The following BAIAP3 variants were observed in gnomAD, a reference collection of about 807,000 sequenced individuals.
The protein encoded by BAIAP3 is BAI1-associated protein 3.
BAIAP3 carries 180 observed loss-of-function variants against 149.7 expected under a neutral mutation model. The observed-to-expected ratio is 1.20, with a 90% CI of 1.07 to 1.36. The LOEUF (loss-of-function observed/expected upper bound fraction) is 1.36, where lower values mean the gene tolerates loss of function less well. Ranked by LOEUF, BAIAP3 falls within the 40% of genes most tolerant of loss-of-function variation. BAIAP3 has a pLI of 0.00. For synonymous variants in BAIAP3, 845 were observed against 670.7 expected (o/e 1.26, Z -4.02); for missense variants, 1,767 against 1,563.4 (o/e 1.13, Z -2.20).
At chr16:1,339,788 G>GCACA (rs2033736501) in intron 5 of BAIAP3, among the ~76,000 whole-genome samples, 185 bp downstream of exon 5, 4 of 117,744 alleles carry the variant, frequency 3.4e-5, no homozygotes, top group African/African-American at 1.1e-4. Context: ...ACAGACACAC[G>GCACA]CACACAGGCT....
At chr16:1,338,109 G>A (rs2033592504) in intron 1 of BAIAP3, among the ~76,000 whole-genome samples, 1 of 152,150 alleles carries the variant, frequency 6.6e-6, no homozygotes, top group African/African-American at 2.4e-5. Flanking sequence ...GGGGCTGGGG[G>A]AGCTGAGTGC....
chr16:1,344,357 TCCCTTC>T, intron 17 of BAIAP3, 40 bp downstream of exon 17: 1 of 1,611,728 alleles, frequency 6.2e-7, no homozygotes. Context: ...TGCTAAGCCC[TCCCTTC>T]CCCTTCCCTG....
chr16:1,340,189 A>ACG (rs2033809493), intron 5 of BAIAP3, among the ~76,000 whole-genome samples: 1 of 39,192 alleles, frequency 2.6e-5, no homozygotes. Flanking sequence ...GTGCACACAG[A>ACG]CACACGCACA....
intron 15 of BAIAP3, among the ~76,000 whole-genome samples, 197 bp downstream of exon 15, chr16:1,343,710 C>T (rs899979720): frequency 3.9e-5 from 6 of 152,324 alleles, no homozygotes; most frequent in East Asian, 3.9e-4. Flanking sequence ...CCTCGGGGGG[C>T]GGCCAGGACT....
At chr16:1,344,413 C>T (rs1317104911) in intron 17 of BAIAP3, 56 bp from the exon 18 acceptor site, 17 of 1,611,268 alleles carry the variant, frequency 1.1e-5, no homozygotes, top group Non-Finnish European at 1.4e-5. Flanking sequence ...GGTCTCTTGC[C>T]CACCTCTTCC....
At position 1,348,485 on chromosome 16, in the gene BAIAP3, C is replaced by A; in HGVS notation, c.*3C>A. ...AGTGCATGGAGGCGGACCCCTGAGT[C>A]CATCAGCTGCCAGCCCCGGCCCTGG... On this transcript the variant is annotated 3_prime_UTR_variant, in exon 34 of 34. Coordinates refer to ENST00000426824, the MANE Select transcript of BAIAP3 (RefSeq NM_001199097.2). The A allele has an allele frequency of 6.2e-7, 1 of 1,602,560 alleles. No homozygotes were observed. The highest frequency in any genetic ancestry group is 1.7e-5 in the Admixed American group (1 of 58,844).
Position 1,343,983 on chromosome 16 carries a change from G to A in BAIAP3, c.1387-39G>A, listed in dbSNP as rs1023060273. On this transcript the variant is annotated intron_variant, in intron 15 of 33. Transcript: ENST00000426824. ...AGGATGTTTCTCCTCATCAGTGGCC[G>A]GTCGGGGCTGCTGGCACTGAAGGGC... 6.8e-6 allele frequency: 11 copies of A among 1,608,762 alleles called. 1 individual carries two copies. The highest frequency in any genetic ancestry group is 4.0e-5 in the African/African-American group (3 of 74,776).
chr16:1,344,030 C>T lies in BAIAP3; in HGVS notation c.1395C>T (p.Ser465=), dbSNP rs2034127151. ...APSLPQEQEE[S]LADSLSAFSE... The stretch of plus-strand genomic sequence containing the variant: ...GGGCCCTGTCCCCACAGGAGGAGAG[C>T]CTGGCTGATAGCCTTTCCGCCTTCT... Residue 465 remains serine, a synonymous_variant, in exon 16 of 34, where the codon AGC becomes AGT. Coordinates refer to ENST00000426824, the MANE Select transcript of BAIAP3 (RefSeq NM_001199097.2). The T allele has an allele frequency of 5.0e-6, 8 of 1,612,346 alleles. No homozygotes were observed. The highest frequency in any genetic ancestry group is 1.1e-5 in the South Asian group (1 of 91,088).
At chr16:1,343,329 C>T (rs369552213) in intron 14 of BAIAP3, 64 bp from the exon 15 acceptor site, 17 of 1,547,308 alleles carry the variant, frequency 1.1e-5, no homozygotes, top group Non-Finnish European at 1.4e-5. Flanking sequence ...GTGCTGTAGG[C>T]GGTGCTGAGT....
Position 1,345,119 on chromosome 16 carries a change from C to G in BAIAP3, c.1940+20C>G, listed in dbSNP as rs1374939752. On this transcript the variant is annotated intron_variant, in intron 21 of 33. Transcript: ENST00000426824. ...TGGCCGGTGGGTGCCCCGTCCCTAT[C>G]TCTTGCAGACAGACTTTGGGACCAG... is the stretch of plus-strand genomic sequence containing the variant. 1 of 1,612,360 alleles carries G rather than the reference C, an allele frequency of 6.2e-7. No individual in the cohort carries two copies. The highest frequency in any genetic ancestry group is 8.5e-7 in the Non-Finnish European group (1 of 1,179,890).
intron 1 of BAIAP3, among the ~76,000 whole-genome samples, chr16:1,337,019 G>A (rs1256186653): frequency 6.6e-6 from 1 of 152,184 alleles, no homozygotes; most frequent in Non-Finnish European, 1.5e-5. Flanking sequence ...GTGGGGCAGA[G>A]GTGGCCTGGC....
Position 1,338,531 on chromosome 16 carries a change from C to T in BAIAP3, c.-10-9C>T, listed in dbSNP as rs752428116. 1.3e-6 allele frequency: 2 copies of T among 1,482,034 alleles called. No individual in the cohort carries two copies. Among genetic ancestry groups the T allele is most frequent in the South Asian group, 1.1e-5 (1 of 89,092 alleles). 91.8% of individuals were successfully genotyped at this position (1,482,034 alleles called of 1,614,324 possible). A position where few individuals can be genotyped will look rare whatever the true frequency, so the allele number is the denominator to read the frequency against. The stretch of plus-strand genomic sequence containing the variant: ...GACCTGAGGCTGCGGGCTGTGCTCT[C>T]TGCTGTAGGTCACCCGCCATGTCGA... On this transcript the variant is annotated splice_polypyrimidine_tract_variant and intron_variant, in intron 1 of 33. Transcript: ENST00000426824.
intron 14 of BAIAP3, 96 bp from the exon 15 acceptor site, chr16:1,343,297 G>A: frequency 1.3e-6 from 2 of 1,494,098 alleles, no homozygotes; most frequent in Non-Finnish European, 1.8e-6. Context: ...AGTGCTGATT[G>A]GGTGGGGCAG....
In BAIAP3 at chr16:1,344,799, A is replaced by C. The variant is rs769289091; in HGVS notation, c.1759A>C (p.Ile587Leu). The C allele has an allele frequency of 6.2e-7, 1 of 1,613,826 alleles. No individual in the cohort carries two copies. The highest frequency in any genetic ancestry group is 1.7e-5 in the Admixed American group (1 of 60,020). Residue 587 changes from isoleucine (I) to leucine (L), a missense_variant and splice_region_variant, in exon 20 of 34, where the codon ATC becomes CTC. By Grantham distance (5) the Ile-to-Leu change is conservative (BLOSUM62 2). Transcript: ENST00000426824. ...YSVYASLFHS[I>L]LNVDVFTLTF... is the part of the protein sequence containing the mutation. ...TGAGGTGTGTCCCTTGCTCTGCAGC[A>C]TCCTCAATGTGGACGTCTTCACCCT...
In BAIAP3 at chr16:1,344,240, C is replaced by G. The variant is rs1214425424; in HGVS notation, c.1525C>G (p.Leu509Val). 2 of 1,613,588 alleles carry G rather than the reference C, an allele frequency of 1.2e-6. No homozygotes were observed. The highest frequency in any genetic ancestry group is 1.1e-5 in the South Asian group (1 of 91,084). Residue 509 changes from leucine (L) to valine (V), a missense_variant, in exon 17 of 34, where the codon CTG (leucine) becomes GTG (valine). Coordinates refer to ENST00000426824, the MANE Select transcript of BAIAP3 (RefSeq NM_001199097.2). ...LELLLKCLGK[L>V]QLFQPSFEIC... ...GCCCCCACCCAGGTGTCTGGGCAAG[C>G]TGCAGCTCTTCCAACCCTCCTTTGA...
chr16:1,334,527 AGGCGCCTCG>A (rs2141551219), intron 1 of BAIAP3: 1 of 728,724 alleles, frequency 1.4e-6, no homozygotes, highest in East Asian at 2.7e-5. Context: ...GGGAGGAAGA[AGGCGCCTCG>A]GGCTCCGGTC....
rs370207479 is a variant in BAIAP3, at chr16:1,339,493, C to T, written c.301-3C>T. ...ACTGTGGCCGCCCTTCCCCCACCTG[C>T]AGGTGGAGATGCTCTACGAGGAGGC... On this transcript the variant is annotated splice_polypyrimidine_tract_variant and splice_region_variant and intron_variant, in intron 4 of 33. Transcript: ENST00000426824. The T allele has an allele frequency of 7.8e-5, 126 of 1,606,142 alleles. 1 individual carries two copies. The African/African-American group carries it at 1.5e-3, about 20-fold the overall frequency.
rs180794974 is a variant in BAIAP3 at position 1,347,443 on chromosome 16, G to A, written c.2823+74G>A. Reference sequence around the variant, plus strand: ...TTCAAACTGCAGCCCCACACGGGCTGTGTCCTTGAGCATGAGGTGGCCCCA... The same window carrying A: ...TTCAAACTGCAGCCCCACACGGGCTATGTCCTTGAGCATGAGGTGGCCCCA... On this transcript the variant is annotated intron_variant, in intron 29 of 33. Transcript: ENST00000426824. 1.3e-5 allele frequency: 20 copies of A among 1,592,128 alleles called. No individual in the cohort carries two copies. In the Admixed American group the frequency reaches 3.3e-4, roughly 27 times the overall value.
rs775055805 is a variant in BAIAP3 at position 1,345,761 on chromosome 16, C to T, written c.2079C>T (p.Asp693=). The change falls in exon 23 of 34, where the codon GAC becomes GAT. Residue 693 remains aspartate, a synonymous_variant. Transcript: ENST00000426824. The stretch of plus-strand genomic sequence containing the variant: ...TGCCTCCCTAGCTGGAGCCCGTGGA[C>T]GCCTCCTCCAGGCACAGCAGCTCCG... ...AVDMDTLEPV[D]ASSRHSSSAA... is the part of the protein sequence containing the mutation. The T allele has an allele frequency of 1.8e-5, 28 of 1,546,738 alleles. No homozygotes were observed. Among genetic ancestry groups the T allele is most frequent in the Middle Eastern group, 1.8e-4 (1 of 5,692 alleles).
Sources: gnomAD v4.1 joint callset for allele counts (sites outside exome capture counted in the v4.1 genomes callset) on GRCh38, gnomAD v4.1.1 for gene constraint, MANE v1.5 for transcripts, NCBI Gene and HGNC (gene_info 2026-07-23, HGNC 2026-07-21) for gene names.